The following THNSL1 variants were observed in gnomAD, a reference collection of about 807,000 sequenced individuals.
The protein encoded by THNSL1 is threonine synthase like 1.
In THNSL1, 48 loss-of-function variants were observed where a neutral mutation model predicts 50.4. The observed-to-expected ratio is 0.95, with a 90% confidence interval of 0.76 to 1.21. THNSL1 has a LOEUF of 1.21. Ranked by LOEUF, THNSL1 falls within the 50% of genes most tolerant of loss-of-function variation. The pLI is 0.00. For missense variants in THNSL1, 896 were observed against 871.7 expected (o/e 1.03, Z -0.35); for synonymous variants, 309 against 306.1 (o/e 1.01, Z -0.10).
At chr10:25,017,080 G>C (rs985615416) in intron 1 of THNSL1, among the ~76,000 whole-genome samples, 1 of 152,166 alleles carries the variant, frequency 6.6e-6, no homozygotes, top group African/African-American at 2.4e-5. Context: ...CTCTGCGCCT[G>C]CTCTTCCCCG....
chr10:24,973,165 G>C, the THNSL1 span, among the ~76,000 whole-genome samples: 1 of 152,026 alleles, frequency 6.6e-6, no homozygotes, highest in Non-Finnish European at 1.5e-5. Context: ...CTTAAAGGAA[G>C]CACTTTATGG....
chr10:24,952,612 G>T, the THNSL1 span: 2 of 1,565,340 alleles, frequency 1.3e-6, no homozygotes, highest in East Asian at 2.3e-5. The surrounding 1 kb of genome is among the most constrained non-coding windows in gnomAD (Gnocchi z 5.1). Flanking sequence ...AAGACGGCGC[G>T]GGAAGGAGCA....
At chr10:24,973,316 G>C in the THNSL1 span, among the ~76,000 whole-genome samples, 1 of 151,848 alleles carries the variant, frequency 6.6e-6, no homozygotes, top group Non-Finnish European at 1.5e-5. Context: ...CGTCGACTAA[G>C]TGAGACCGCT....
At chr10:24,957,586 T>C in the THNSL1 span, among the ~76,000 whole-genome samples, 2,913 of 152,296 alleles carry the variant, frequency 0.019, 38 homozygotes, top group Middle Eastern at 0.027. Context: ...ATTCAGGTGA[T>C]TGTCCTGCCT....
At chr10:24,984,922 A>C in the THNSL1 span, 1 of 1,604,276 alleles carries the variant, frequency 6.2e-7, no homozygotes, top group Admixed American at 1.7e-5. Flanking sequence ...ATGGTCAAGA[A>C]ACTTGTAAAT....
At chr10:25,016,349 T>C (rs113305225), upstream of THNSL1, among the ~76,000 whole-genome samples, 2,121 of 152,332 alleles carry the variant, frequency 0.014, 45 homozygotes, top group African/African-American at 0.048. Context: ...CTCTTTTCTA[T>C]TTCTGTGTAT....
chr10:24,970,733 A>G, the THNSL1 span, among the ~76,000 whole-genome samples: 1 of 145,312 alleles, frequency 6.9e-6, no homozygotes, highest in Non-Finnish European at 1.5e-5. Context: ...AAAAAAAAAA[A>G]TAGTTTGGGG....
At chr10:24,996,448 G>GTT in the THNSL1 span, among the ~76,000 whole-genome samples, 1 of 146,698 alleles carries the variant, frequency 6.8e-6, no homozygotes, top group African/African-American at 2.7e-5. Flanking sequence ...GTGTGTGTGT[G>GTT]TGTGTGTGTA....
At chr10:24,964,401 C>G in the THNSL1 span, among the ~76,000 whole-genome samples, 1 of 152,164 alleles carries the variant, frequency 6.6e-6, no homozygotes, top group African/African-American at 2.4e-5. Flanking sequence ...TGGGTTCTTT[C>G]TTTCATGCTT....
the THNSL1 span, among the ~76,000 whole-genome samples, chr10:24,959,520 ATGGCGTTT>A: frequency 2.0e-5 from 3 of 152,350 alleles, no homozygotes; most frequent in South Asian, 4.1e-4. Flanking sequence ...TTTGAAGAAA[ATGGCGTTT>A]TGATTCATTA....
chr10:24,967,006 T>A, the THNSL1 span, among the ~76,000 whole-genome samples: 347 of 152,308 alleles, frequency 2.3e-3, 6 homozygotes, highest in Non-Finnish European at 4.3e-4. Context: ...CAATTTATTT[T>A]TTTTTTTACC....
At chr10:25,003,506 CTG>C in the THNSL1 span, among the ~76,000 whole-genome samples, 1 of 152,186 alleles carries the variant, frequency 6.6e-6, no homozygotes, top group African/African-American at 2.4e-5. Context: ...TGCGCCAAGC[CTG>C]TGTTTCTATT....
chr10:24,961,124 G>A, the THNSL1 span, among the ~76,000 whole-genome samples: 26,311 of 152,152 alleles, frequency 0.17, 4,616 homozygotes, highest in African/African-American at 0.45. Flanking sequence ...ATAGAAAACC[G>A]TGTTATATTT....
chr10:24,993,120 T>C, the THNSL1 span, among the ~76,000 whole-genome samples: 1 of 152,054 alleles, frequency 6.6e-6, no homozygotes, highest in Non-Finnish European at 1.5e-5. Context: ...ATAGTGAGAC[T>C]CCATCTCTAA....
At position 25,026,270 on chromosome 10, in the gene THNSL1, T is replaced by G. The variant is rs1042236805; in HGVS notation, c.*815T>G. 6.0e-6 allele frequency: 1 copy of G among 166,864 alleles called. No homozygotes were observed. Among genetic ancestry groups the G allele is most frequent in the Non-Finnish European group, 1.5e-5 (1 of 68,124 alleles). The allele number at this position is 166,864 out of a possible 1,614,324, so 10.3% of individuals were successfully genotyped here. On this transcript the variant is annotated 3_prime_UTR_variant, in exon 3 of 3. Transcript: ENST00000376356. ...TCCAAATTAAAGATGTACTCTGTCCTTCACTCTCCTTTGGATGTGTACGGT... is the reference window on the plus strand; with the variant it reads ...TCCAAATTAAAGATGTACTCTGTCCGTCACTCTCCTTTGGATGTGTACGGT...
At chr10:25,013,107 T>C (rs962311140), upstream of THNSL1, among the ~76,000 whole-genome samples, 5 of 152,198 alleles carry the variant, frequency 3.3e-5, no homozygotes, top group African/African-American at 1.2e-4. Flanking sequence ...ATGTAAGATG[T>C]GACTTTGCTC....
upstream of THNSL1, among the ~76,000 whole-genome samples, chr10:25,011,719 CA>C (rs1439047896): frequency 6.6e-6 from 1 of 152,058 alleles, no homozygotes; most frequent in Non-Finnish European, 1.5e-5. Flanking sequence ...CAACAAAAGC[CA>C]AAATTGACAA....
upstream of THNSL1, chr10:25,015,964 C>A: frequency 6.3e-7 from 1 of 1,592,018 alleles, no homozygotes; most frequent in Non-Finnish European, 8.5e-7. Context: ...TTAAAAGCTA[C>A]TCTCCACAAC....
At chr10:25,017,080 G>A (rs985615416) in intron 1 of THNSL1, among the ~76,000 whole-genome samples, 13 of 152,284 alleles carry the variant, frequency 8.5e-5, no homozygotes, top group Non-Finnish European at 1.0e-4. Flanking sequence ...CTCTGCGCCT[G>A]CTCTTCCCCG....
Sources: allele counts gnomAD v4.1 joint callset (sites outside exome capture counted in the v4.1 genomes callset), GRCh38; gene constraint gnomAD v4.1.1; non-coding constraint Gnocchi (gnomAD v3.1); transcripts MANE v1.5; gene names NCBI Gene and HGNC (gene_info 2026-07-23, HGNC 2026-07-21).